SETBP1: variants seen among roughly 807,000 people sequenced by gnomAD.
SETBP1 encodes SET-binding protein.
Under a neutral mutation model 101.0 loss-of-function variants are expected in SETBP1, and 9 were observed. The observed-to-expected ratio is 0.09, with a 90% CI of 0.05 to 0.16. SETBP1 has a LOEUF of 0.16. SETBP1 is among the 10% of genes least tolerant of loss of function. SETBP1 has a pLI of 1.00. For synonymous variants in SETBP1, 818 were observed against 788.5 expected, an observed-to-expected ratio of 1.04 and a Z score of -0.63; for missense variants, 1,858 against 2,033.8, an observed-to-expected ratio of 0.91 and a Z score of 1.66.
intron 3 of SETBP1, among the ~76,000 whole-genome samples, chr18:44,940,746 C>T (rs955082649): frequency 6.6e-5 from 10 of 152,120 alleles, no homozygotes; most frequent in African/African-American, 2.4e-4. Context: ...AGTCACTTGT[C>T]TTTTAACAAT....
chr18:44,972,679 T>C (rs2071893612), intron 4 of SETBP1, among the ~76,000 whole-genome samples: 1 of 152,210 alleles, frequency 6.6e-6, no homozygotes, highest in South Asian at 2.1e-4. Flanking sequence ...TCTCTGTTTG[T>C]CTGTTATTGG....
chr18:44,732,076 T>C (rs1032142967), intron 2 of SETBP1, among the ~76,000 whole-genome samples: 1 of 152,156 alleles, frequency 6.6e-6, no homozygotes, highest in Non-Finnish European at 1.5e-5. Flanking sequence ...GGCTGTCTAG[T>C]TCTATTTGAT....
intron 3 of SETBP1, among the ~76,000 whole-genome samples, chr18:44,881,923 G>C (rs1030927652): frequency 6.6e-6 from 1 of 152,148 alleles, no homozygotes; most frequent in Non-Finnish European, 1.5e-5. Flanking sequence ...AATGAGCAAG[G>C]CTTCTTGGCA....
At chr18:44,800,610 A>G (rs2071586009) in intron 2 of SETBP1, among the ~76,000 whole-genome samples, 4 of 152,206 alleles carry the variant, frequency 2.6e-5, no homozygotes, top group Admixed American at 2.0e-4. Context: ...AGGGAAGAGC[A>G]GCCCAGCAAT....
chr18:44,762,291 C>T (rs1209871340), intron 2 of SETBP1, among the ~76,000 whole-genome samples: 1 of 152,206 alleles, frequency 6.6e-6, no homozygotes, highest in Non-Finnish European at 1.5e-5. Context: ...TTGACAGCAG[C>T]CTGTTCTTGG....
At chr18:44,735,453 A>G (rs1437973058) in intron 2 of SETBP1, among the ~76,000 whole-genome samples, 1 of 152,190 alleles carries the variant, frequency 6.6e-6, no homozygotes, top group Non-Finnish European at 1.5e-5. Flanking sequence ...TGATTCTATT[A>G]TTTAATGAGA....
chr18:44,877,713 C>T (rs546518420), intron 3 of SETBP1, among the ~76,000 whole-genome samples: 3 of 152,272 alleles, frequency 2.0e-5, no homozygotes, highest in African/African-American at 4.8e-5. Context: ...CAACAGTTTC[C>T]TCCCACAAGT....
intron 4 of SETBP1, among the ~76,000 whole-genome samples, chr18:44,960,915 C>G (rs1203288639): frequency 1.3e-5 from 2 of 152,202 alleles, no homozygotes; most frequent in Non-Finnish European, 2.9e-5. Flanking sequence ...AAGAGCCATC[C>G]TTGATTTCAT....
chr18:44,869,539 T>A (rs146843495), intron 3 of SETBP1: 9 of 468,894 alleles, frequency 1.9e-5, no homozygotes, highest in South Asian at 1.6e-4. Flanking sequence ...ATCAAGATGC[T>A]CGGAATGTTA....
chr18:44,918,085 G>GT (rs1053840685), intron 3 of SETBP1, among the ~76,000 whole-genome samples: 12 of 152,240 alleles, frequency 7.9e-5, no homozygotes, highest in Admixed American at 7.8e-4. Context: ...ATCCTTCCCG[G>GT]TGCTGCCGAG....
At chr18:44,969,558 T>C (rs757692248) in intron 4 of SETBP1, among the ~76,000 whole-genome samples, 25 of 152,326 alleles carry the variant, frequency 1.6e-4, no homozygotes, top group Middle Eastern at 3.4e-3. Flanking sequence ...GGACCTTTCA[T>C]GTTGATTCTG....
At chr18:44,796,343 T>C (rs2071474902) in intron 2 of SETBP1, among the ~76,000 whole-genome samples, 1 of 152,236 alleles carries the variant, frequency 6.6e-6, no homozygotes, top group South Asian at 2.1e-4. Context: ...GAACGGTTCC[T>C]GCCTATTGCG....
intron 3 of SETBP1, among the ~76,000 whole-genome samples, chr18:44,921,160 T>C (rs2144933396): frequency 6.6e-6 from 1 of 152,368 alleles, no homozygotes; most frequent in South Asian, 2.1e-4. Flanking sequence ...AGTCAACCAT[T>C]GATTTAGGAG....
chr18:44,711,383 CTTCTT>C (rs1159491073), intron 2 of SETBP1, among the ~76,000 whole-genome samples: 104 of 119,106 alleles, frequency 8.7e-4, no homozygotes, highest in African/African-American at 3.3e-3. Flanking sequence ...TCCTTCCTTC[CTTCTT>C]TTCCTTCCTC....
At chr18:45,057,596 C>T (rs932744833) in intron 5 of SETBP1, among the ~76,000 whole-genome samples, 2 of 152,192 alleles carry the variant, frequency 1.3e-5, no homozygotes, top group African/African-American at 2.4e-5. Context: ...CTGCAACTCT[C>T]CGCCTTGATT....
rs530372815 is a variant in SETBP1, at chr18:44,788,628, C to T, written c.487-80602C>T. Among the ~76,000 whole-genome samples the T allele has an allele frequency of 2.6e-5, 4 of 152,158 alleles. No homozygotes were observed. In the South Asian group the frequency reaches 8.3e-4, roughly 32 times the overall value. ...ACTTATGGTGTTGTTTATTCTGTTA[C>T]AAACACTCCTAAGAAGGGAGCAGAA... On this transcript the variant is annotated intron_variant, in intron 2 of 5. Coordinates refer to ENST00000649279, the MANE Select transcript of SETBP1 (RefSeq NM_015559.3).
intron 3 of SETBP1, chr18:44,877,202 GA>G: frequency 1.2e-6 from 1 of 823,222 alleles, no homozygotes; most frequent in South Asian, 5.5e-5. Context: ...GATACATTTA[GA>G]AACTTTTATA....
chr18:44,877,095 T>C (rs760610557), intron 3 of SETBP1: 1 of 1,020,690 alleles, frequency 9.8e-7, no homozygotes, highest in Non-Finnish European at 1.2e-6. Context: ...TTGTATCAGC[T>C]ATGCCATGGA....
intron 2 of SETBP1, among the ~76,000 whole-genome samples, chr18:44,865,281 C>T (rs554744830): frequency 2.9e-4 from 44 of 152,272 alleles, no homozygotes; most frequent in Non-Finnish European, 5.6e-4. Flanking sequence ...TGGTTTTCAA[C>T]TGAAGTCGCA....
Sources: gnomAD v4.1 joint callset for allele counts (sites outside exome capture counted in the v4.1 genomes callset) on GRCh38, gnomAD v4.1.1 for gene constraint, MANE v1.5 for transcripts, NCBI Gene and HGNC (gene_info 2026-07-23, HGNC 2026-07-21) for gene names.